MYH3: variants seen among roughly 807,000 people sequenced by gnomAD.
MYH3 encodes the protein myosin-3.
Under a neutral mutation model 238.0 loss-of-function variants are expected in MYH3, and 130 were observed. That is an observed-to-expected ratio of 0.55 (90% CI 0.47 to 0.63). MYH3 has a LOEUF of 0.63. Ranked by LOEUF, MYH3 falls within the 30% of genes least tolerant of loss-of-function variation. MYH3 has a pLI of 0.00. For synonymous variants in MYH3, 880 were observed against 924.1 expected, an observed-to-expected ratio of 0.95 and a Z score of 0.86; for missense variants, 1,853 against 2,374.9, an observed-to-expected ratio of 0.78 and a Z score of 4.57.
At chr17:10,632,094 GTT>G (rs1293351806) in intron 34 of MYH3, 78 bp from the exon 35 acceptor site, 11 of 1,444,474 alleles carry the variant, frequency 7.6e-6, no homozygotes, top group Non-Finnish European at 9.4e-6. Context: ...TCTGAGTTTT[GTT>G]TGTTTGTTTG....
At chr17:10,662,213 G>A (rs1389231218), upstream of MYH3, among the ~76,000 whole-genome samples, 1 of 151,936 alleles carries the variant, frequency 6.6e-6, no homozygotes, top group African/African-American at 2.4e-5. Flanking sequence ...GTAGAGACCG[G>A]GTTTTCCTAT....
At chr17:10,665,830 G>A in the MYH3 span, among the ~76,000 whole-genome samples, 2 of 152,142 alleles carry the variant, frequency 1.3e-5, no homozygotes, top group Admixed American at 1.3e-4. Context: ...AAAGCCACAG[G>A]AGGACATTCT....
rs778466638 is a variant in MYH3 at position 10,652,410 on chromosome 17, C to T, written c.348+10G>A. On this transcript the variant is annotated intron_variant, in intron 4 of 40. Transcript: ENST00000583535. ...GCCCCAGGGAAACCACGTCGAAAGC[C>T]CTCGCTGACATAGATCATCCAAGAT... is the stretch of plus-strand genomic sequence containing the variant. The T allele has an allele frequency of 2.5e-6, 4 of 1,613,900 alleles. No individual in the cohort carries two copies. The Admixed American group carries it at 5.0e-5, about 20-fold the overall frequency.
the MYH3 span, among the ~76,000 whole-genome samples, chr17:10,668,871 A>T: frequency 6.6e-6 from 1 of 152,238 alleles, no homozygotes; most frequent in Admixed American, 6.5e-5. Context: ...AATAGTCTTC[A>T]TATCCTTTGC....
At chr17:10,644,823 G>A (rs1002142851) in intron 12 of MYH3, 121 bp from the exon 13 acceptor site, 3 of 777,292 alleles carry the variant, frequency 3.9e-6, no homozygotes, top group Non-Finnish European at 6.8e-6. Flanking sequence ...TGGCTAAACT[G>A]CATATACATG....
At chr17:10,674,575 C>G in the MYH3 span, 1 of 161,060 alleles carries the variant, frequency 6.2e-6, no homozygotes, top group Admixed American at 6.4e-5. Flanking sequence ...TAGAGGGAGT[C>G]TGAGTATTAG....
Position 10,630,186 on chromosome 17 carries a change from A to C in MYH3, c.5468T>G (p.Leu1823Arg), listed in dbSNP as rs1433891163. 1 of 1,613,974 alleles carries C rather than the reference A, an allele frequency of 6.2e-7. No individual in the cohort carries two copies. The highest frequency in any genetic ancestry group is 8.5e-7 in the Non-Finnish European group (1 of 1,180,020). The change falls in exon 38 of 41, where the codon CTG becomes CGG. Residue 1823 changes from leucine to arginine, a missense_variant. Transcript: ENST00000583535. ...IQKLETRIRE[L>R]EFELEGEQKK... ...CTGCTCTCCCTCAAGTTCAAACTCC[A>C]GCTCTCGGATCTGGGGGAGAGGGTG...
intron 28 of MYH3, among the ~76,000 whole-genome samples, chr17:10,636,285 T>C (rs1188589492): frequency 1.2e-5 from 1 of 83,186 alleles, no homozygotes; most frequent in East Asian, 3.2e-4. Flanking sequence ...CATGCCTCAA[T>C]CTCAAAAAAA....
intron 10 of MYH3, 42 bp downstream of exon 10, chr17:10,647,140 T>A: frequency 6.8e-7 from 1 of 1,467,926 alleles, no homozygotes; most frequent in Non-Finnish European, 9.5e-7. Context: ...GTGATCAGAG[T>A]CAAACTACCT....
the MYH3 span, among the ~76,000 whole-genome samples, chr17:10,671,890 C>A: frequency 6.6e-6 from 1 of 152,106 alleles, no homozygotes; most frequent in Non-Finnish European, 1.5e-5. Flanking sequence ...GTGGGAACAC[C>A]CGCGCCCAGC....
rs752095515 is a variant in MYH3, at chr17:10,650,359, G to A, written c.533+15C>T. ...TGGCACAGCTATGAAACCACTCTATGCCATGGATACTTACGTGATCAGAAT... is the reference window on the plus strand; with the variant it reads ...TGGCACAGCTATGAAACCACTCTATACCATGGATACTTACGTGATCAGAAT... On this transcript the variant is annotated intron_variant, in intron 6 of 40. Coordinates refer to ENST00000583535, the MANE Select transcript of MYH3 (RefSeq NM_002470.4). 6.2e-7 allele frequency: 1 copy of A among 1,608,122 alleles called. No individual in the cohort carries two copies. The highest frequency in any genetic ancestry group is 1.3e-5 in the African/African-American group (1 of 74,766).
Position 10,639,822 on chromosome 17 carries a change from T to C in MYH3, c.2683-20A>G, listed in dbSNP as rs1443786856. The C allele has an allele frequency of 7.4e-6, 12 of 1,613,042 alleles. No individual in the cohort carries two copies. The highest frequency in any genetic ancestry group is 1.3e-5 in the African/African-American group (1 of 74,988). On this transcript the variant is annotated intron_variant, in intron 22 of 40. Transcript: ENST00000583535. ...GCTTTCCTTAAAAAAAAAAGAATAA[T>C]AACTTCGTTGAATGATATAAGGTTT...
At chr17:10,653,685 T>G (rs2074400394) in intron 3 of MYH3, among the ~76,000 whole-genome samples, 1 of 152,174 alleles carries the variant, frequency 6.6e-6, no homozygotes. Context: ...CTCTGTGACC[T>G]CCTCTGAAAT....
chr17:10,640,968 A>C, intron 19 of MYH3, 117 bp downstream of exon 19: 1 of 941,028 alleles, frequency 1.1e-6, no homozygotes, highest in South Asian at 1.3e-5. Flanking sequence ...TTCAGTTTAC[A>C]TGGAGGTCCA....
At chr17:10,635,585 G>C (rs1258172116) in intron 29 of MYH3, 22 bp from the exon 30 acceptor site, 4 of 1,614,230 alleles carry the variant, frequency 2.5e-6, no homozygotes, top group Non-Finnish European at 3.4e-6. Context: ...AAAAAGAGAA[G>C]AGCACCTGAT....
the MYH3 span, chr17:10,672,531 C>A: frequency 2.0e-5 from 3 of 151,990 alleles, no homozygotes; most frequent in South Asian, 2.1e-4. Context: ...TTTTAAAGTG[C>A]GCAGTTCAGT....
chr17:10,651,775 C>T lies in MYH3; in HGVS notation c.349-107G>A, dbSNP rs11650321. On this transcript the variant is annotated intron_variant, in intron 4 of 40. Coordinates refer to ENST00000583535, the MANE Select transcript of MYH3 (RefSeq NM_002470.4). ...TTTTTTTTTTTTTGAGACGGAGTCT[C>T]ACTCTGTCACCAGGCTGGAGTGCAG... 1.0e-2 allele frequency: 14,025 copies of T among 1,403,862 alleles called. 87 individuals are homozygous for T. Among genetic ancestry groups the T allele is most frequent in the Non-Finnish European group, 0.012 (12,047 of 1,041,992 alleles). 87.0% of individuals were successfully genotyped at this position (1,403,862 alleles called of 1,614,324 possible).
upstream of MYH3, among the ~76,000 whole-genome samples, chr17:10,661,786 G>A (rs1462742906): frequency 1.3e-5 from 2 of 152,156 alleles, no homozygotes; most frequent in Non-Finnish European, 2.9e-5. Flanking sequence ...AGAGCACATG[G>A]CTCCTGGATC....
In MYH3 at chr17:10,628,652, C is replaced by T. The variant is rs2074117350; in HGVS notation, c.*1G>A. The T allele has an allele frequency of 6.2e-7, 1 of 1,614,078 alleles. No homozygotes were observed. The highest frequency in any genetic ancestry group is 8.5e-7 in the Non-Finnish European group (1 of 1,180,036). ...TTCTGTCCTGCTCCAGAAGGGCTGG[C>T]TCACTCTTCACTCTCGTGGACCACC... On this transcript the variant is annotated 3_prime_UTR_variant, in exon 41 of 41. Transcript: ENST00000583535.
Sources: allele counts gnomAD v4.1 joint callset (sites outside exome capture counted in the v4.1 genomes callset), GRCh38; gene constraint gnomAD v4.1.1; transcripts MANE v1.5; gene names NCBI Gene and HGNC (gene_info 2026-07-23, HGNC 2026-07-21).